The following STPG4 variants were observed in gnomAD, a reference collection of about 807,000 sequenced individuals.
STPG4 encodes the protein sperm-tail PG-rich repeat containing 4.
In STPG4, 41 loss-of-function variants were observed where a neutral mutation model predicts 31.5. That is an observed-to-expected ratio of 1.30 (90% confidence interval 1.01 to 1.69). The LOEUF is 1.69. STPG4 is among the 40% of genes most tolerant of loss of function. STPG4 has a pLI of 0.00. For missense variants in STPG4, 375 were observed against 293.4 expected (o/e 1.28, Z -2.03); for synonymous variants, 141 against 103.0 (o/e 1.37, Z -2.24).
intron 5 of STPG4, among the ~76,000 whole-genome samples, chr2:47,116,786 G>T (rs1686162304): frequency 6.6e-6 from 1 of 152,142 alleles, no homozygotes; most frequent in Non-Finnish European, 1.5e-5. Flanking sequence ...TTTAGAAGAG[G>T]ACATGTGAAA....
chr2:47,109,047 A>C (rs1240116952), intron 5 of STPG4, among the ~76,000 whole-genome samples: 1 of 152,244 alleles, frequency 6.6e-6, no homozygotes, highest in Non-Finnish European at 1.5e-5. Context: ...GCTTAAGCTA[A>C]TTTGGAAGGT....
intron 5 of STPG4, among the ~76,000 whole-genome samples, chr2:47,100,998 G>T (rs1685787583): frequency 1.3e-5 from 2 of 151,870 alleles, no homozygotes; most frequent in African/African-American, 4.9e-5. Context: ...ACCCAGATGG[G>T]ACATTTGCCT....
intron 5 of STPG4, among the ~76,000 whole-genome samples, chr2:47,110,743 T>C (rs1283479208): frequency 1.3e-5 from 2 of 152,252 alleles, no homozygotes; most frequent in Admixed American, 1.3e-4. Flanking sequence ...TTTCTGACAT[T>C]AATCACAATA....
At chr2:47,090,213 T>C (rs1247438721) in intron 6 of STPG4, 57 bp downstream of exon 6, 9 of 1,236,242 alleles carry the variant, frequency 7.3e-6, no homozygotes, top group African/African-American at 4.5e-5. Context: ...ACAGAAAACC[T>C]ACCACCATAA....
At chr2:47,129,263 C>G (rs985355925) in intron 5 of STPG4, 3 of 152,756 alleles carry the variant, frequency 2.0e-5, no homozygotes, top group African/African-American at 7.2e-5. Context: ...ATGGCTGCTA[C>G]AAGCACTCCT....
At chr2:47,125,102 A>AT (rs1437642719) in intron 5 of STPG4, among the ~76,000 whole-genome samples, 1 of 152,108 alleles carries the variant, frequency 6.6e-6, no homozygotes, top group African/African-American at 2.4e-5. Flanking sequence ...TCTTTTGCCT[A>AT]TTTTTTAAAC....
chr2:47,102,153 T>C (rs1199545936), intron 5 of STPG4, among the ~76,000 whole-genome samples: 2 of 142,178 alleles, frequency 1.4e-5, no homozygotes, highest in South Asian at 4.2e-4. Context: ...CCGGGGACCG[T>C]TGCAGGTTCT....
rs200112876 is a variant in STPG4 at position 47,137,321 on chromosome 2, GATAA to G, written c.400-7065_400-7062del. ...TATTGAGCCAGCATTGCATACCTGG[GATAA>G]ATCTCACTTGGTTGCGATGTATAAT... On this transcript the variant is annotated intron_variant, in intron 3 of 6. Coordinates refer to ENST00000445927, the MANE Select transcript of STPG4 (RefSeq NM_001163561.2). Among the ~76,000 whole-genome samples, 57 of 152,236 alleles carry G rather than the reference GATAA, an allele frequency of 3.7e-4. 2 individuals carry two copies. In the East Asian group the frequency reaches 0.01, roughly 27 times the overall value.
intron 3 of STPG4, among the ~76,000 whole-genome samples, chr2:47,146,381 C>T (rs1408987889): frequency 1.3e-5 from 2 of 152,038 alleles, no homozygotes; most frequent in Non-Finnish European, 2.9e-5. Flanking sequence ...CTGCCCAAAA[C>T]GTCAGCAGTG....
At chr2:47,116,202 T>C (rs1301958202) in intron 5 of STPG4, among the ~76,000 whole-genome samples, 3 of 152,188 alleles carry the variant, frequency 2.0e-5, no homozygotes, top group Non-Finnish European at 2.9e-5. Flanking sequence ...AATTCAGGCA[T>C]TGTCAACGTG....
intron 5 of STPG4, among the ~76,000 whole-genome samples, chr2:47,113,836 C>T (rs1347595800): frequency 6.6e-6 from 1 of 151,638 alleles, no homozygotes; most frequent in African/African-American, 2.4e-5. Flanking sequence ...AGATCAAGAC[C>T]ATCCTGGCCA....
intron 5 of STPG4, among the ~76,000 whole-genome samples, chr2:47,099,356 C>T (rs1006104553): frequency 4.6e-5 from 7 of 152,330 alleles, no homozygotes; most frequent in Non-Finnish European, 7.3e-5. Flanking sequence ...CAGGCTGCTG[C>T]CCCAGGTGTG....
intron 3 of STPG4, among the ~76,000 whole-genome samples, chr2:47,135,456 A>G (rs1428350509): frequency 1.3e-5 from 2 of 152,086 alleles, no homozygotes; most frequent in Non-Finnish European, 2.9e-5. Flanking sequence ...GGGTAATTTC[A>G]GCTCACTGCA....
At chr2:47,131,816 C>A (rs937388954) in intron 3 of STPG4, among the ~76,000 whole-genome samples, 19 of 152,184 alleles carry the variant, frequency 1.2e-4, no homozygotes, top group Admixed American at 1.2e-3. Context: ...CCGGGTGGCT[C>A]CATTGCCCCT....
At chr2:47,097,704 T>C (rs1469098682) in intron 5 of STPG4, among the ~76,000 whole-genome samples, 2 of 152,154 alleles carry the variant, frequency 1.3e-5, no homozygotes, top group African/African-American at 4.8e-5. Flanking sequence ...GAACAATACA[T>C]TTCTATGGTT....
At chr2:47,088,562 C>T (rs1685506322) in intron 6 of STPG4, among the ~76,000 whole-genome samples, 1 of 152,214 alleles carries the variant, frequency 6.6e-6, no homozygotes, top group Admixed American at 6.5e-5. Context: ...ATGAGGCTCA[C>T]TGGTGTCTCT....
chr2:47,110,456 T>C (rs1289408994), intron 5 of STPG4, among the ~76,000 whole-genome samples: 1 of 152,184 alleles, frequency 6.6e-6, no homozygotes, highest in Non-Finnish European at 1.5e-5. Context: ...TAGCCAGGCC[T>C]GGTGGCGGGC....
intron 5 of STPG4, among the ~76,000 whole-genome samples, chr2:47,104,745 A>G (rs940850056): frequency 6.6e-6 from 1 of 151,940 alleles, no homozygotes; most frequent in Non-Finnish European, 1.5e-5. Flanking sequence ...CCAGTTTGGA[A>G]GCCTCATGCC....
intron 5 of STPG4, among the ~76,000 whole-genome samples, chr2:47,090,826 T>C (rs1316425485): frequency 6.6e-6 from 1 of 152,226 alleles, no homozygotes; most frequent in East Asian, 1.9e-4. Flanking sequence ...TCCAAAAAAG[T>C]ATTCATAGCA....
Sources: gnomAD v4.1 joint callset for allele counts (sites outside exome capture counted in the v4.1 genomes callset) on GRCh38, gnomAD v4.1.1 for gene constraint, MANE v1.5 for transcripts, NCBI Gene and HGNC (gene_info 2026-07-23, HGNC 2026-07-21) for gene names.